Variants in NUP107 observed in about 807,000 individuals in gnomAD.
NUP107 encodes the protein nuclear pore complex protein Nup107.
NUP107 carries 101 observed loss-of-function variants against 141.0 expected under a neutral mutation model. The observed-to-expected ratio is 0.72, with a 90% CI of 0.61 to 0.84. The LOEUF (loss-of-function observed/expected upper bound fraction) is 0.84. Among genes scored for constraint, NUP107 ranks in the 40% least tolerant of loss-of-function variants. NUP107 has a pLI of 0.00. For missense variants in NUP107, 941 were observed against 1,102.7 expected (o/e 0.85, Z 2.08); for synonymous variants, 319 against 363.9 (o/e 0.88, Z 1.41).
At chr12:68,735,088 T>C in intron 25 of NUP107, 143 bp from the exon 26 acceptor site, 2 of 710,104 alleles carry the variant, frequency 2.8e-6, no homozygotes, top group Non-Finnish European at 4.8e-6. Flanking sequence ...CTGCAGTCTG[T>C]TGATACTTAT....
intron 10 of NUP107, 41 bp downstream of exon 10, chr12:68,710,134 G>T: frequency 1.0e-6 from 1 of 988,414 alleles, no homozygotes; most frequent in Non-Finnish European, 1.6e-6. Context: ...ACTCAATGTT[G>T]ATATTGTTCA....
intron 10 of NUP107, among the ~76,000 whole-genome samples, chr12:68,713,363 A>G (rs1876953268): frequency 1.4e-5 from 2 of 146,470 alleles, no homozygotes; most frequent in South Asian, 4.4e-4. Flanking sequence ...CAACAGAGCG[A>G]GACCCTGTCT....
At chr12:68,732,888 G>T in intron 23 of NUP107, 149 bp downstream of exon 23, 1 of 456,696 alleles carries the variant, frequency 2.2e-6, no homozygotes, top group Non-Finnish European at 3.9e-6. Flanking sequence ...TCACTATGTT[G>T]CCTAGGCGGG....
At chr12:68,705,709 A>G in intron 8 of NUP107, 3 of 656,644 alleles carry the variant, frequency 4.6e-6, no homozygotes, top group Non-Finnish European at 8.5e-6. Flanking sequence ...CCATTCCTAC[A>G]TGTGTGGGCC....
intron 5 of NUP107, among the ~76,000 whole-genome samples, chr12:68,692,644 A>G (rs1875862803): frequency 6.6e-6 from 1 of 151,176 alleles, no homozygotes; most frequent in Admixed American, 6.6e-5. Flanking sequence ...ATGCAGTGGC[A>G]CAATCATGGC....
intron 2 of NUP107, 41 bp downstream of exon 2, chr12:68,689,094 A>G: frequency 6.8e-7 from 1 of 1,474,664 alleles, no homozygotes; most frequent in Non-Finnish European, 9.5e-7. Context: ...AAATTGTAAC[A>G]TGTTTGGAAT....
At chr12:68,693,101 G>A (rs1220699493) in intron 5 of NUP107, among the ~76,000 whole-genome samples, 6 of 148,280 alleles carry the variant, frequency 4.0e-5, no homozygotes, top group Non-Finnish European at 5.9e-5. Context: ...TTTTTTAGAC[G>A]GAGTCTCACT....
At chr12:68,689,410 G>T in intron 2 of NUP107, 123 bp from the exon 3 acceptor site, 1 of 610,576 alleles carries the variant, frequency 1.6e-6, no homozygotes, top group Non-Finnish European at 2.9e-6. Context: ...TTGAAAAATG[G>T]TAGCCCTAAA....
intron 5 of NUP107, among the ~76,000 whole-genome samples, chr12:68,695,130 C>CAACAATG (rs1391279761): frequency 3.3e-5 from 5 of 152,234 alleles, no homozygotes; most frequent in African/African-American, 1.2e-4. Context: ...CAAGTATTGA[C>CAACAATG]AACAATGTGG....
At chr12:68,718,848 ATG>A (rs1369942466) in intron 12 of NUP107, among the ~76,000 whole-genome samples, 1 of 47,922 alleles carries the variant, frequency 2.1e-5, no homozygotes, top group African/African-American at 4.9e-5. Context: ...GAATGCCATT[ATG>A]TATGTATGTA....
chr12:68,719,089 A>G (rs912973250), intron 12 of NUP107, among the ~76,000 whole-genome samples: 8 of 152,078 alleles, frequency 5.3e-5, no homozygotes, highest in African/African-American at 1.9e-4. Flanking sequence ...GGGTTTCACC[A>G]TGTTGGCCAG....
At chr12:68,741,748 G>A (rs533357950) in intron 26 of NUP107, 65 bp from the exon 27 acceptor site, 1 of 1,475,828 alleles carries the variant, frequency 6.8e-7, no homozygotes, top group Non-Finnish European at 9.2e-7. Context: ...TCAGTACCTG[G>A]CTTTTCTTTT....
At chr12:68,728,317 C>T (rs966453856) in intron 20 of NUP107, among the ~76,000 whole-genome samples, 12 of 148,706 alleles carry the variant, frequency 8.1e-5, no homozygotes, top group African/African-American at 2.2e-4. Context: ...TCAGGCCAGA[C>T]GTGGTGGCTT....
At chr12:68,719,061 C>T (rs904869415) in intron 12 of NUP107, among the ~76,000 whole-genome samples, 2 of 152,042 alleles carry the variant, frequency 1.3e-5, no homozygotes, top group African/African-American at 4.8e-5. Context: ...GCTAGTTTTC[C>T]TGTTTTTAGT....
chr12:68,736,057 T>C (rs1475325170), intron 26 of NUP107, among the ~76,000 whole-genome samples: 1 of 152,228 alleles, frequency 6.6e-6, no homozygotes, highest in Non-Finnish European at 1.5e-5. Flanking sequence ...AATAGTCATA[T>C]AAGGGAAAGA....
intron 5 of NUP107, among the ~76,000 whole-genome samples, chr12:68,694,793 C>T (rs1014694750): frequency 1.3e-5 from 2 of 152,110 alleles, no homozygotes; most frequent in Non-Finnish European, 2.9e-5. Flanking sequence ...CGCAGCTACT[C>T]GGGAGACTGA....
At chr12:68,696,358 C>CT (rs1876053929) in intron 5 of NUP107, among the ~76,000 whole-genome samples, 1 of 147,880 alleles carries the variant, frequency 6.8e-6, no homozygotes, top group Admixed American at 6.8e-5. Flanking sequence ...GAGTGAGACT[C>CT]TGTCTCAATT....
intron 16 of NUP107, 42 bp from the exon 17 acceptor site, chr12:68,722,062 C>G (rs1288404562): frequency 6.2e-7 from 1 of 1,608,900 alleles, no homozygotes; most frequent in East Asian, 2.2e-5. Context: ...ACCCCTTTTT[C>G]ATATTATTAA....
intron 2 of NUP107, 117 bp downstream of exon 2, chr12:68,689,170 C>G (rs1305584065): frequency 1.7e-5 from 11 of 654,742 alleles, no homozygotes; most frequent in Non-Finnish European, 2.8e-5. Context: ...CCTGTAGAAA[C>G]TTTTTTTCAC....
Sources: allele counts gnomAD v4.1 joint callset (sites outside exome capture counted in the v4.1 genomes callset), GRCh38; gene constraint gnomAD v4.1.1; transcripts MANE v1.5; gene names NCBI Gene and HGNC (gene_info 2026-07-23, HGNC 2026-07-21).